MAGI2: variants seen among roughly 807,000 people sequenced by gnomAD.
The protein encoded by MAGI2 is membrane-associated guanylate kinase, WW and PDZ domain-containing protein 2.
Under a neutral mutation model 133.3 loss-of-function variants are expected in MAGI2, and 35 were observed. The observed-to-expected ratio is 0.26, with a 90% CI of 0.20 to 0.35. MAGI2 has a LOEUF of 0.35. Among genes scored for constraint, MAGI2 ranks in the 10% least tolerant of loss-of-function variants. The pLI is 1.00. For missense variants in MAGI2, 1,636 were observed against 1,863.4 expected (o/e 0.88, Z 2.25); for synonymous variants, 729 against 710.6 (o/e 1.03, Z -0.41).
At chr7:78,635,828 G>A (rs544390289) in intron 2 of MAGI2, among the ~76,000 whole-genome samples, 1 of 152,186 alleles carries the variant, frequency 6.6e-6, no homozygotes, top group African/African-American at 2.4e-5. Context: ...ACATCCGATA[G>A]ATTCCTTTGG....
chr7:78,086,884 T>C (rs1816703470), intron 20 of MAGI2, among the ~76,000 whole-genome samples: 1 of 151,810 alleles, frequency 6.6e-6, no homozygotes, highest in Admixed American at 6.6e-5. Context: ...ATCCACCCAT[T>C]TTTAGCCTCC....
intron 2 of MAGI2, among the ~76,000 whole-genome samples, chr7:78,855,619 G>A (rs187301580): frequency 1.3e-5 from 2 of 152,296 alleles, no homozygotes; most frequent in East Asian, 1.9e-4. Context: ...ATTCCATGGT[G>A]TATATGTGCC....
intron 1 of MAGI2, among the ~76,000 whole-genome samples, chr7:79,113,982 T>G (rs1562904159): frequency 6.6e-6 from 1 of 152,218 alleles, no homozygotes. Context: ...CATTTTCTAA[T>G]GTGTAATGTT....
intron 2 of MAGI2, among the ~76,000 whole-genome samples, chr7:78,647,455 A>G (rs1056573032): frequency 3.9e-5 from 6 of 152,216 alleles, no homozygotes; most frequent in African/African-American, 1.4e-4. Flanking sequence ...ATACCATCTC[A>G]TGCCCGTTAG....
intron 2 of MAGI2, among the ~76,000 whole-genome samples, chr7:78,801,833 C>T (rs148060007): frequency 6.6e-6 from 1 of 152,184 alleles, no homozygotes; most frequent in East Asian, 1.9e-4. Flanking sequence ...AAGATAGATG[C>T]TACTATTATC....
intron 3 of MAGI2, among the ~76,000 whole-genome samples, chr7:78,563,611 C>T (rs1337811961): frequency 2.6e-5 from 4 of 152,228 alleles, no homozygotes; most frequent in Non-Finnish European, 4.4e-5. Flanking sequence ...TGTTTTAAAT[C>T]CCCTGGCAGA....
chr7:79,239,853 G>T lies in MAGI2; in HGVS notation c.301+213167C>A, dbSNP rs532788549. 5.7e-4 allele frequency among the ~76,000 whole-genome samples: 87 copies of T among 152,290 alleles called. 2 individuals are homozygous for T. Among genetic ancestry groups the T allele is most frequent in the African/African-American group, 2.0e-3 (84 of 41,560 alleles). ...GGATTGCTACTTCCTGTCAATCGCA[G>T]CTTTATCCTTTTTCCAGGTGGCCCT... On this transcript the variant is annotated intron_variant, in intron 1 of 21. Coordinates refer to ENST00000354212, the MANE Select transcript of MAGI2 (RefSeq NM_012301.4).
In MAGI2 at chr7:79,347,614, C is replaced by T. The variant is rs142132754; in HGVS notation, c.301+105406G>A. Among the ~76,000 whole-genome samples the T allele has an allele frequency of 3.8e-4, 58 of 152,046 alleles. No individual in the cohort carries two copies. In the East Asian group the frequency reaches 0.011, roughly 28 times the overall value. On this transcript the variant is annotated intron_variant, in intron 1 of 21. Coordinates refer to ENST00000354212, the MANE Select transcript of MAGI2 (RefSeq NM_012301.4). Reference sequence around the variant, plus strand: ...TATACTTCTTCCTTGAGCTCCGTTCCTGCACTTCCAATGTACCAGACTTGC... The same window carrying T: ...TATACTTCTTCCTTGAGCTCCGTTCTTGCACTTCCAATGTACCAGACTTGC...
rs574626488 is a variant in MAGI2, at chr7:78,522,639, C to A, written c.539-994G>T. Reference sequence around the variant, plus strand: ...AAATGATCCGCCTGCCTCGGCCCCCCAAAGTGCTGGGATTACAGGCATGAG... The same window carrying A: ...AAATGATCCGCCTGCCTCGGCCCCCAAAAGTGCTGGGATTACAGGCATGAG... On this transcript the variant is annotated intron_variant, in intron 3 of 21. Transcript: ENST00000354212. Among the ~76,000 whole-genome samples, 125 of 152,262 alleles carry A rather than the reference C, an allele frequency of 8.2e-4. No individual in the cohort carries two copies. In the Middle Eastern group the frequency reaches 0.017, roughly 21 times the overall value.
intron 3 of MAGI2, among the ~76,000 whole-genome samples, chr7:78,582,644 C>G (rs1435651977): frequency 6.6e-6 from 1 of 152,230 alleles, no homozygotes; most frequent in African/African-American, 2.4e-5. Flanking sequence ...CCAGAAGCAC[C>G]TGCATTTGAC....
intron 2 of MAGI2, among the ~76,000 whole-genome samples, chr7:78,840,549 C>T (rs919633102): frequency 8.6e-5 from 13 of 151,958 alleles, no homozygotes. Flanking sequence ...GAGTATGATT[C>T]AATCTATTTA....
chr7:78,217,704 G>C (rs1401499546), intron 10 of MAGI2, among the ~76,000 whole-genome samples: 1 of 152,146 alleles, frequency 6.6e-6, no homozygotes, highest in Admixed American at 6.5e-5. Flanking sequence ...ACACCAATTT[G>C]CCATAGCAAG....
At chr7:79,403,681 T>C (rs151203347) in intron 1 of MAGI2, among the ~76,000 whole-genome samples, 2 of 152,286 alleles carry the variant, frequency 1.3e-5, no homozygotes, top group East Asian at 3.9e-4. Flanking sequence ...CTAAACTGTG[T>C]GTTCTACTTC....
intron 21 of MAGI2, among the ~76,000 whole-genome samples, chr7:78,058,478 C>CTTT (rs61113351): frequency 0.19 from 27,856 of 146,686 alleles, 3,240 homozygotes; most frequent in African/African-American, 0.32. Context: ...CTTAAAATTC[C>CTTT]TTTTTTTTTT....
intron 1 of MAGI2, among the ~76,000 whole-genome samples, chr7:79,416,719 C>CTTTTTTTTTTTTTT (rs1169090958): frequency 2.0e-5 from 2 of 99,270 alleles, no homozygotes; most frequent in African/African-American, 9.0e-5. Context: ...CTTTTCTTTT[C>CTTTTTTTTTTTTTT]TTTTTCTTTT....
At chr7:78,045,892 A>G (rs1431081722) in intron 21 of MAGI2, among the ~76,000 whole-genome samples, 1 of 152,282 alleles carries the variant, frequency 6.6e-6, no homozygotes, top group African/African-American at 2.4e-5. Context: ...ACTAAGTACT[A>G]ATATATAAAC....
intron 7 of MAGI2, among the ~76,000 whole-genome samples, chr7:78,349,578 C>T (rs560278665): frequency 2.6e-5 from 4 of 152,140 alleles, no homozygotes; most frequent in Non-Finnish European, 5.9e-5. Context: ...ATTCCATTTA[C>T]CATCAAAATG....
chr7:79,089,941 A>C (rs1816901309), intron 1 of MAGI2, among the ~76,000 whole-genome samples: 2 of 152,038 alleles, frequency 1.3e-5, no homozygotes, highest in South Asian at 2.1e-4. Context: ...GTGTATACCT[A>C]TGTAAGGTAT....
At chr7:78,076,660 C>A (rs374634719) in intron 21 of MAGI2, among the ~76,000 whole-genome samples, 143 of 149,794 alleles carry the variant, frequency 9.5e-4, no homozygotes, top group African/African-American at 3.4e-3. Context: ...TCCTGGCTAA[C>A]AAGGTGAAAC....
Sources: allele counts gnomAD v4.1 joint callset (sites outside exome capture counted in the v4.1 genomes callset), GRCh38; gene constraint gnomAD v4.1.1; transcripts MANE v1.5; gene names NCBI Gene and HGNC (gene_info 2026-07-23, HGNC 2026-07-21).